Variants in PSD observed in about 807,000 individuals in gnomAD.
PSD encodes PH and SEC7 domain-containing protein 1.
In PSD, 32 loss-of-function variants were observed where a neutral mutation model predicts 91.6. That is an observed-to-expected ratio of 0.35 (90% CI 0.26 to 0.47). PSD has a LOEUF of 0.47. PSD is among the 20% of genes least tolerant of loss of function. The probability of loss-of-function intolerance (pLI) is 1.00; values close to 1 mark genes in which losing one functional copy is unlikely to be tolerated. For synonymous variants in PSD, 532 were observed against 569.3 expected, an observed-to-expected ratio of 0.93 and a Z score of 0.93; for missense variants, 1,099 against 1,373.9, an observed-to-expected ratio of 0.80 and a Z score of 3.16.
At position 102,409,944 on chromosome 10, in the gene PSD, C is replaced by T. The variant is rs2061407351; in HGVS notation, c.2091+914G>A. 6.6e-6 allele frequency among the ~76,000 whole-genome samples: 1 copy of T among 152,152 alleles called. No individual in the cohort carries two copies. Among genetic ancestry groups the T allele is most frequent in the Admixed American group, 6.5e-5 (1 of 15,274 alleles). On this transcript the variant is annotated intron_variant, in intron 10 of 16. Transcript: ENST00000020673. The surrounding 1 kb of genome is among the most constrained non-coding windows in gnomAD (Gnocchi z 5.7). The stretch of plus-strand genomic sequence containing the variant: ...TCGTAAGCCCTAAAGCACAAACACA[C>T]CAAGCCATACAAACCCTTGATTCAC...
rs1232384740 is a variant in PSD at position 102,404,948 on chromosome 10, G to A, written c.2505C>T (p.His835=). 6.8e-6 allele frequency: 11 copies of A among 1,614,096 alleles called. No individual in the cohort carries two copies. The highest frequency in any genetic ancestry group is 1.6e-4 in the Middle Eastern group (1 of 6,062). The part of the protein sequence containing the change: ...TRASDYSKRP[H]VFYLRTADWR... Reference sequence around the variant, plus strand: ...AGTCAGCTGTGCGCAGGTAGAAGACGTGGGGCCTCTTGCTGTAGTCACTGG... The same window carrying A: ...AGTCAGCTGTGCGCAGGTAGAAGACATGGGGCCTCTTGCTGTAGTCACTGG... Residue 835 remains histidine (H), a synonymous_variant, in exon 14 of 17, where the codon CAC becomes CAT. Transcript: ENST00000020673. The surrounding 1 kb of genome is among the most constrained non-coding windows in gnomAD (Gnocchi z 5.7).
intron 3 of PSD, 40 bp downstream of exon 3, chr10:102,415,977 G>T (rs764628566): frequency 1.1e-5 from 17 of 1,500,438 alleles, no homozygotes; most frequent in Middle Eastern, 1.7e-4. Flanking sequence ...CTGTGGGGAA[G>T]GCCCTGCCCT....
At position 102,415,021 on chromosome 10, in the gene PSD, C is replaced by T. The variant is rs763840246; in HGVS notation, c.966G>A (p.Glu322=). The T allele has an allele frequency of 1.4e-5, 23 of 1,612,102 alleles. No homozygotes were observed. Among genetic ancestry groups the T allele is most frequent in the Non-Finnish European group, 1.9e-5 (22 of 1,178,670 alleles). The stretch of plus-strand genomic sequence containing the variant: ...GTGGGTAGGCAGTGCCTGGTGGGCC[C>T]TCAGAGCTGGGCTGACTTTCGATGG... The part of the protein sequence containing the change: ...DSAIESQPSS[E]GPPGTAYPPA... The change falls in exon 4 of 17, where the codon GAG becomes GAA. Residue 322 remains glutamate, a synonymous_variant. Transcript: ENST00000020673.
rs1483100747 is a variant in PSD, at chr10:102,405,724, G to C, written c.2136-188C>G. 2 of 607,730 alleles carry C rather than the reference G, an allele frequency of 3.3e-6. No homozygotes were observed. Among genetic ancestry groups the C allele is most frequent in the South Asian group, 2.1e-5 (1 of 48,414 alleles). The allele number at this position is 607,730 out of a possible 1,614,324, so 37.6% of individuals were successfully genotyped here. A position where few individuals can be genotyped will look rare whatever the true frequency, so the allele number is the denominator to read the frequency against. On this transcript the variant is annotated intron_variant, in intron 11 of 16. Transcript: ENST00000020673. This position sits in a 1 kb window ranked among gnomAD's most constrained non-coding sequence, Gnocchi z 5.4. Reference sequence around the variant, plus strand: ...TGTGTAGCTGTGCCTCCTCAGAGCAGGGCACCTCCCTCAGAGCTCCCCAGC... The same window carrying C: ...TGTGTAGCTGTGCCTCCTCAGAGCACGGCACCTCCCTCAGAGCTCCCCAGC...
At position 102,416,135 on chromosome 10, in the gene PSD, A is replaced by C; in HGVS notation, c.655-16T>G. On this transcript the variant is annotated splice_polypyrimidine_tract_variant and intron_variant, in intron 2 of 16. Coordinates refer to ENST00000020673, the MANE Select transcript of PSD (RefSeq NM_002779.5). This position sits in a 1 kb window ranked among gnomAD's most constrained non-coding sequence, Gnocchi z 6.0. ...AGGTATCCCCCTGAGCCAACGAGGG[A>C]GACACAGGCACCCAGAGATAAAGCC... The C allele has an allele frequency of 1.3e-6, 2 of 1,577,612 alleles. No individual in the cohort carries two copies. Among genetic ancestry groups the C allele is most frequent in the Non-Finnish European group, 1.7e-6 (2 of 1,149,358 alleles).
At position 102,416,361 on chromosome 10, in the gene PSD, G is replaced by A. The variant is rs761015495; in HGVS notation, c.654+24C>T. 2.8e-5 allele frequency: 45 copies of A among 1,579,658 alleles called. No homozygotes were observed. The highest frequency in any genetic ancestry group is 5.4e-5 in the African/African-American group (4 of 74,636). The stretch of plus-strand genomic sequence containing the variant: ...GCCTTGCCCCTTCACTGGGGGCCCA[G>A]GGAGCCCAGGGGAAGTTGCATACCT... On this transcript the variant is annotated intron_variant, in intron 2 of 16. Coordinates refer to ENST00000020673, the MANE Select transcript of PSD (RefSeq NM_002779.5). The surrounding 1 kb of genome is among the most constrained non-coding windows in gnomAD (Gnocchi z 6.0).
rs544476881 is a variant in PSD, at chr10:102,416,511, C to G, written c.528G>C (p.Gly176=). Residue 176 remains glycine (G), a synonymous_variant, in exon 2 of 17, where the codon GGG becomes GGC. Transcript: ENST00000020673. The surrounding 1 kb of genome is among the most constrained non-coding windows in gnomAD (Gnocchi z 6.0). Reference sequence around the variant, plus strand: ...CTCCAACCTGGGGTGGGGCTGGCGGCCCATGTACAAGGTTCCGGCTGCCAG... The same window carrying G: ...CTCCAACCTGGGGTGGGGCTGGCGGGCCATGTACAAGGTTCCGGCTGCCAG... ...ALPGSRNLVH[G]PPAPPQVGAD... 9.4e-5 allele frequency: 152 copies of G among 1,612,578 alleles called. No individual in the cohort carries two copies. The South Asian group carries it at 1.3e-3, about 14-fold the overall frequency.
chr10:102,406,641 G>A (rs2061364702), intron 11 of PSD, among the ~76,000 whole-genome samples: 1 of 152,016 alleles, frequency 6.6e-6, no homozygotes, highest in Non-Finnish European at 1.5e-5. Context: ...CTGAGTAGCT[G>A]AGACTACAGG....
rs2061430468 is a variant in PSD at position 102,412,030 on chromosome 10, T to C, written c.1829+117A>G. 3.3e-6 allele frequency: 4 copies of C among 1,207,744 alleles called. No individual in the cohort carries two copies. The African/African-American group carries it at 6.0e-5, about 18-fold the overall frequency. 74.8% of individuals were successfully genotyped at this position (1,207,744 alleles called of 1,614,324 possible). On this transcript the variant is annotated intron_variant, in intron 7 of 16. Transcript: ENST00000020673. ...GGCCCTTGGCCATGCCCAGCCATCT[T>C]GGGAAGGGTGATGTCAGGACGGCTT...
In PSD at chr10:102,404,868, G is replaced by C; in HGVS notation, c.2555+30C>G. The C allele has an allele frequency of 1.2e-6, 2 of 1,608,186 alleles. No homozygotes were observed. Among genetic ancestry groups the C allele is most frequent in the Non-Finnish European group, 1.7e-6 (2 of 1,177,080 alleles). On this transcript the variant is annotated intron_variant, in intron 14 of 16. Transcript: ENST00000020673. The surrounding 1 kb of genome is among the most constrained non-coding windows in gnomAD (Gnocchi z 5.7). ...AGCAGGATGGGAGGTGGGGGAAGGG[G>C]TCCGGGATGGGCAGGAGGAGGGCAC...
chr10:102,406,520 T>C (rs1213801726), intron 11 of PSD, among the ~76,000 whole-genome samples: 2 of 151,152 alleles, frequency 1.3e-5, no homozygotes, highest in African/African-American at 2.4e-5. Context: ...TTTTTTTTTT[T>C]TTTTTGAGAC....
rs2061409914 is a variant in PSD, at chr10:102,410,140, C to T, written c.2091+718G>A. 6.6e-6 allele frequency among the ~76,000 whole-genome samples: 1 copy of T among 152,332 alleles called. No homozygotes were observed. The highest frequency in any genetic ancestry group is 2.1e-4 in the South Asian group (1 of 4,828). On this transcript the variant is annotated intron_variant, in intron 10 of 16. Transcript: ENST00000020673. This position sits in a 1 kb window ranked among gnomAD's most constrained non-coding sequence, Gnocchi z 6.0. The stretch of plus-strand genomic sequence containing the variant: ...TGTAGTGGAGCAGAGACACCTTTGT[C>T]CTAGCCTGGGGGTTTCTTCAAGTGA...
At position 102,403,084 on chromosome 10, in the gene PSD, G is replaced by A; in HGVS notation, c.*116C>T. ...CCCTGCCCCGGACACCGCGTCCGGC[G>A]CGGTCGGGCCCTAGGCCGGGAGGCC... On this transcript the variant is annotated 3_prime_UTR_variant, in exon 17 of 17. Transcript: ENST00000020673. This position sits in a 1 kb window ranked among gnomAD's most constrained non-coding sequence, Gnocchi z 6.7. 3.7e-6 allele frequency: 3 copies of A among 811,928 alleles called. No homozygotes were observed. Among genetic ancestry groups the A allele is most frequent in the South Asian group, 2.3e-5 (1 of 42,878 alleles). The allele number at this position is 811,928 out of a possible 1,614,324, so 50.3% of individuals were successfully genotyped here.
chr10:102,409,949 C>T lies in PSD; in HGVS notation c.2091+909G>A, dbSNP rs1377422146. Reference sequence around the variant, plus strand: ...AGCCCTAAAGCACAAACACACCAAGCCATACAAACCCTTGATTCACGACGC... The same window carrying T: ...AGCCCTAAAGCACAAACACACCAAGTCATACAAACCCTTGATTCACGACGC... On this transcript the variant is annotated intron_variant, in intron 10 of 16. Transcript: ENST00000020673. The surrounding 1 kb of genome is among the most constrained non-coding windows in gnomAD (Gnocchi z 5.7). Among the ~76,000 whole-genome samples, 1 of 152,136 alleles carries T rather than the reference C, an allele frequency of 6.6e-6. No individual in the cohort carries two copies. The highest frequency in any genetic ancestry group is 1.9e-4 in the East Asian group (1 of 5,200).
chr10:102,406,508 C>CT (rs1192531225), intron 11 of PSD, among the ~76,000 whole-genome samples: 7,294 of 140,036 alleles, frequency 0.052, 359 homozygotes, highest in African/African-American at 0.12. Flanking sequence ...TTTCTTTTTT[C>CT]TTTTTTTTTT....
Position 102,403,897 on chromosome 10 carries a change from C to T in PSD, c.2789G>A (p.Gly930Asp), listed in dbSNP as rs1041729216. ...EHRAAQLGKKGRGKEAEEQRQ... is the reference protein window; with the variant it reads ...EHRAAQLGKKDRGKEAEEQRQ... Reference sequence around the variant, plus strand: ...CTGCTCTTCAGCCTCCTTGCCCCGGCCCTTCTTGCCCAGCTGGGCGGCCCG... The same window carrying T: ...CTGCTCTTCAGCCTCCTTGCCCCGGTCCTTCTTGCCCAGCTGGGCGGCCCG... Residue 930 changes from glycine to aspartate, a missense_variant, in exon 16 of 17, where the codon GGC becomes GAC. By Grantham distance (94) the Gly-to-Asp change is moderately conservative. This residue lies in a region of PSD where 358 missense variants were observed against 426.5 expected (regional missense o/e 0.84). Transcript: ENST00000020673. The surrounding 1 kb of genome is among the most constrained non-coding windows in gnomAD (Gnocchi z 6.7). 6 of 1,605,508 alleles carry T rather than the reference C, an allele frequency of 3.7e-6. No individual in the cohort carries two copies. The Admixed American group carries it at 6.8e-5, about 18-fold the overall frequency.
chr10:102,403,531 G>T lies in PSD; in HGVS notation c.2845-101C>A, dbSNP rs956333983. On this transcript the variant is annotated intron_variant, in intron 16 of 16. Coordinates refer to ENST00000020673, the MANE Select transcript of PSD (RefSeq NM_002779.5). This position sits in a 1 kb window ranked among gnomAD's most constrained non-coding sequence, Gnocchi z 6.7. ...CCGCCAGCAGGGCAGAAGATGGCAG[G>T]TGCCCACCCAGGACTGTGAGATGGT... 8 of 1,174,726 alleles carry T rather than the reference G, an allele frequency of 6.8e-6. No individual in the cohort carries two copies. The African/African-American group carries it at 1.1e-4, about 16-fold the overall frequency. The allele number at this position is 1,174,726 out of a possible 1,614,324, so 72.8% of individuals were successfully genotyped here.
Position 102,414,680 on chromosome 10 carries a change from C to G in PSD, c.1124+183G>C, listed in dbSNP as rs1005740753. ...CTAGAACCCCTGGCCTCTTTGCTCCCCACATCCCCAGTGTTCTGCCAAGCC... is the reference window on the plus strand; with the variant it reads ...CTAGAACCCCTGGCCTCTTTGCTCCGCACATCCCCAGTGTTCTGCCAAGCC... On this transcript the variant is annotated intron_variant, in intron 4 of 16. Coordinates refer to ENST00000020673, the MANE Select transcript of PSD (RefSeq NM_002779.5). This position sits in a 1 kb window ranked among gnomAD's most constrained non-coding sequence, Gnocchi z 5.6. Among the ~76,000 whole-genome samples, 9 of 152,174 alleles carry G rather than the reference C, an allele frequency of 5.9e-5. No homozygotes were observed. The highest frequency in any genetic ancestry group is 1.3e-4 in the Admixed American group (2 of 15,282).
At position 102,410,528 on chromosome 10, in the gene PSD, C is replaced by A. The variant is rs151123342; in HGVS notation, c.2091+330G>T. 0.01 allele frequency among the ~76,000 whole-genome samples: 1,565 copies of A among 152,334 alleles called. 23 individuals are homozygous for A. The highest frequency in any genetic ancestry group is 0.036 in the African/African-American group (1,493 of 41,568). ...GTCCCGTGCAGGGACCCCCGCAACT[C>A]CCGCCTTCCACCCCAGCGCACACTG... On this transcript the variant is annotated intron_variant, in intron 10 of 16. Coordinates refer to ENST00000020673, the MANE Select transcript of PSD (RefSeq NM_002779.5). This position sits in a 1 kb window ranked among gnomAD's most constrained non-coding sequence, Gnocchi z 6.0.
Sources: allele counts gnomAD v4.1 joint callset (sites outside exome capture counted in the v4.1 genomes callset), GRCh38; gene constraint gnomAD v4.1.1; regional missense constraint gnomAD v4.1.1; non-coding constraint Gnocchi (gnomAD v3.1); transcripts MANE v1.5; gene names NCBI Gene and HGNC (gene_info 2026-07-23, HGNC 2026-07-21).